The following COL2A1 variants were observed in gnomAD, a reference collection of about 807,000 sequenced individuals.
COL2A1 encodes collagen alpha-1(II) chain.
Under a neutral mutation model 204.5 loss-of-function variants are expected in COL2A1, and 28 were observed. The ratio of observed to expected loss-of-function variants is 0.14; its 90% CI spans 0.10 to 0.19. COL2A1 has a LOEUF of 0.19. Among genes scored for constraint, COL2A1 ranks in the 10% least tolerant of loss-of-function variants. The pLI, the probability that COL2A1 is intolerant of heterozygous loss-of-function variation, is 1.00. For synonymous variants in COL2A1, 708 were observed against 718.7 expected (o/e 0.99, Z 0.24); for missense variants, 1,388 against 2,027.5 (o/e 0.68, Z 6.06).
At chr12:47,981,662 TTGGC>T in intron 36 of COL2A1, 110 bp downstream of exon 36, 2 of 1,278,376 alleles carry the variant, frequency 1.6e-6, no homozygotes, top group Non-Finnish European at 2.2e-6. Context: ...TCCTACGGCC[TTGGC>T]CGAGGGTGAC....
intron 15 of COL2A1, 90 bp from the exon 16 acceptor site, chr12:47,993,021 A>G (rs1036497588): frequency 7.9e-7 from 1 of 1,259,936 alleles, no homozygotes; most frequent in African/African-American, 1.5e-5. Flanking sequence ...TGCGGATACC[A>G]GAGGAGAGGG....
chr12:48,004,018 C>G, intron 1 of COL2A1: 1 of 572,716 alleles, frequency 1.7e-6, no homozygotes, highest in Non-Finnish European at 3.2e-6. Context: ...CAAATACTTG[C>G]AACTGCGATG....
At chr12:48,000,920 C>G (rs1940204258) in intron 1 of COL2A1, 2 of 152,314 alleles carry the variant, frequency 1.3e-5, no homozygotes, top group African/African-American at 4.8e-5. Context: ...GTAGCCCTGC[C>G]TGGAGAGGCC....
At position 47,995,291 on chromosome 12, in the gene COL2A1, A is replaced by G; in HGVS notation, c.726T>C (p.Arg242=). ...EPGVSGPMGP[R]GPPGPPGKPG... Reference sequence around the variant, plus strand: ...GCTTTCCAGGGGGACCAGGAGGACCACGGGGACCCATGGGACCCTACAAAC... The same window carrying G: ...GCTTTCCAGGGGGACCAGGAGGACCGCGGGGACCCATGGGACCCTACAAAC... The change falls in exon 11 of 54, where the codon CGT becomes CGC. Residue 242 remains arginine (R), a synonymous_variant. Transcript: ENST00000380518. The G allele has an allele frequency of 6.2e-7, 1 of 1,613,754 alleles. No homozygotes were observed. Among genetic ancestry groups the G allele is most frequent in the East Asian group, 2.2e-5 (1 of 44,892 alleles).
intron 50 of COL2A1, 77 bp downstream of exon 50, chr12:47,975,886 G>A: frequency 9.1e-7 from 1 of 1,102,084 alleles, no homozygotes; most frequent in Middle Eastern, 2.0e-4. Flanking sequence ...CCTAAAAGAG[G>A]CCCTGAGCAA....
At position 47,996,528 on chromosome 12, in the gene COL2A1, G is replaced by T. The variant is rs921299234; in HGVS notation, c.609+20C>A. The T allele has an allele frequency of 3.7e-6, 6 of 1,609,562 alleles. No homozygotes were observed. Among genetic ancestry groups the T allele is most frequent in the African/African-American group, 2.7e-5 (2 of 74,974 alleles). Reference sequence around the variant, plus strand: ...CACCTCCTGCCATTTTGGCTGCAAAGAACTAGTGTCTTTTCTTACCATTGG... The same window carrying T: ...CACCTCCTGCCATTTTGGCTGCAAATAACTAGTGTCTTTTCTTACCATTGG... On this transcript the variant is annotated intron_variant, in intron 8 of 53. Transcript: ENST00000380518.
chr12:47,978,280 C>G lies in COL2A1; in HGVS notation c.3003+11G>C, dbSNP rs1179555191. On this transcript the variant is annotated intron_variant, in intron 43 of 53. Coordinates refer to ENST00000380518, the MANE Select transcript of COL2A1 (RefSeq NM_001844.5). This position sits in a 1 kb window ranked among gnomAD's most constrained non-coding sequence, Gnocchi z 5.5. ...CCAGCTTGGATGGAGGGAGGGATAC[C>G]CCACACTCACCGACGGGCCAGGCAA... is the stretch of plus-strand genomic sequence containing the variant. 1 of 1,613,558 alleles carries G rather than the reference C, an allele frequency of 6.2e-7. No individual in the cohort carries two copies. Among genetic ancestry groups the G allele is most frequent in the Non-Finnish European group, 8.5e-7 (1 of 1,179,768 alleles).
At chr12:47,994,295 G>T in intron 12 of COL2A1, 129 bp downstream of exon 12, 2 of 1,069,282 alleles carry the variant, frequency 1.9e-6, no homozygotes, top group Non-Finnish European at 2.8e-6. Context: ...AAACATGGTC[G>T]TGATAAATAT....
intron 1 of COL2A1, 53 bp from the exon 2 acceptor site, chr12:48,000,178 G>T: frequency 7.7e-7 from 1 of 1,295,956 alleles, no homozygotes; most frequent in Non-Finnish European, 1.1e-6. Flanking sequence ...GGAGGGGGTG[G>T]GGAGCCAGAG....
rs752281424 is a variant in COL2A1 at position 47,974,320 on chromosome 12, T to G, written c.4086A>C (p.Gly1362=). The G allele has an allele frequency of 6.2e-7, 1 of 1,613,986 alleles. No homozygotes were observed. Among genetic ancestry groups the G allele is most frequent in the South Asian group, 1.1e-5 (1 of 91,086 alleles). Residue 1362 remains glycine, a synonymous_variant, in exon 53 of 54, where the codon GGA becomes GGC. Coordinates refer to ENST00000380518, the MANE Select transcript of COL2A1 (RefSeq NM_001844.5). The stretch of plus-strand genomic sequence containing the variant: ...CAGTGTTGGGAGCCAGATTGTCATC[T>G]CCATAGCTGAACTGTTGGGGCAGAG... ...TINGGFHFSY[G]DDNLAPNTAN...
At chr12:47,998,387 GA>G (rs780475060) in intron 3 of COL2A1, 27 bp downstream of exon 3, 2 of 1,581,744 alleles carry the variant, frequency 1.3e-6, no homozygotes, top group South Asian at 2.3e-5. Context: ...AAAAAAATAT[GA>G]AAAAAGAAAA....
Position 47,997,898 on chromosome 12 carries a change from T to G in COL2A1, c.402A>C (p.Arg134Ser), listed in dbSNP as rs1940038163. 6.2e-7 allele frequency: 1 copy of G among 1,614,126 alleles called. No individual in the cohort carries two copies. Among genetic ancestry groups the G allele is most frequent in the East Asian group, 2.2e-5 (1 of 44,894 alleles). ...PQGPAGEQGPRGDRGDKGEKG... is the reference protein window; with the variant it reads ...PQGPAGEQGPSGDRGDKGEKG... The stretch of plus-strand genomic sequence containing the variant: ...TTTCACCTTTGTCACCACGATCCCC[T>G]CTGGGTCCTTGTTCCCCTGCAGGTC... Residue 134 changes from arginine to serine, a missense_variant, in exon 6 of 54, where the codon AGA becomes AGC. Physicochemically the swap from Arg to Ser is moderately radical, Grantham distance 110 (BLOSUM62 -1). Transcript: ENST00000380518.
chr12:48,004,938 C>T (rs868049226), upstream of COL2A1, among the ~76,000 whole-genome samples: 1 of 152,168 alleles, frequency 6.6e-6, no homozygotes, highest in Non-Finnish European at 1.5e-5. Flanking sequence ...GAGGGGGCAC[C>T]GCGTCAGGCG....
Position 47,998,262 on chromosome 12 carries a change from AC to A in COL2A1, c.310-62del, listed in dbSNP as rs569318921. 1.5e-3 allele frequency: 2,476 copies of A among 1,609,880 alleles called. 4 individuals are homozygous for A. The highest frequency in any genetic ancestry group is 1.9e-3 in the Non-Finnish European group (2,279 of 1,176,750). ...AAGCCCACTAAGCCCCTAGTCTAAA[AC>A]CCTGCCAGCAGCCCCTGTGTTGAGG... On this transcript the variant is annotated intron_variant, in intron 3 of 53. Transcript: ENST00000380518.
In COL2A1 at chr12:47,993,483, C is replaced by T. The variant is rs1939802138; in HGVS notation, c.944G>A (p.Gly315Asp). Residue 315 changes from glycine to aspartate, a missense_variant, in exon 15 of 54, where the codon GGT becomes GAT. By Grantham distance (94) the Gly-to-Asp change is moderately conservative. Around this residue, in one of 3 missense-constraint regions of COL2A1, gnomAD observed 884 missense variants for 1,415.8 expected, o/e 0.62. Transcript: ENST00000380518. ...PGVKGESGSP[G>D]ENGSPGPMGP... ...CATTGGGCCCGGAGATCCGTTCTCACCCGGGGAACCACTCTCACCCTGGAA... is the reference window on the plus strand; with the variant it reads ...CATTGGGCCCGGAGATCCGTTCTCATCCGGGGAACCACTCTCACCCTGGAA... 6.2e-7 allele frequency: 1 copy of T among 1,613,814 alleles called. No individual in the cohort carries two copies. Among genetic ancestry groups the T allele is most frequent in the Admixed American group, 1.7e-5 (1 of 60,008 alleles).
intron 3 of COL2A1, 40 bp downstream of exon 3, chr12:47,998,375 C>G (rs770402179): frequency 6.4e-7 from 1 of 1,568,992 alleles, no homozygotes; most frequent in Non-Finnish European, 8.7e-7. Flanking sequence ...AAATATAAAG[C>G]CAAAAAAATA....
At chr12:48,000,689 A>G (rs1940195747) in intron 1 of COL2A1, among the ~76,000 whole-genome samples, 1 of 152,236 alleles carries the variant, frequency 6.6e-6, no homozygotes, top group Admixed American at 6.5e-5. Context: ...ATTGGAATCT[A>G]TAAGCAGTGA....
chr12:47,985,136 C>A lies in COL2A1; in HGVS notation c.1735-43G>T, dbSNP rs41317931. 3.3e-6 allele frequency: 5 copies of A among 1,495,134 alleles called. No homozygotes were observed. The Admixed American group carries it at 7.0e-5, about 21-fold the overall frequency. 92.6% of individuals were successfully genotyped at this position (1,495,134 alleles called of 1,614,324 possible). ...ATTCTCAGAACATAGACACTCTGAC[C>A]ACATCCATCCACCCAACATCCACTA... is the stretch of plus-strand genomic sequence containing the variant. On this transcript the variant is annotated intron_variant, in intron 26 of 53. Coordinates refer to ENST00000380518, the MANE Select transcript of COL2A1 (RefSeq NM_001844.5).
Position 47,997,614 on chromosome 12 carries a change from G to A in COL2A1, c.523C>T (p.Leu175Phe). 6.2e-7 allele frequency: 1 copy of A among 1,613,898 alleles called. No individual in the cohort carries two copies. Among genetic ancestry groups the A allele is most frequent in the Non-Finnish European group, 8.5e-7 (1 of 1,179,994 alleles). ...GPPGPPGPPG[L>F]GGNFAAQMAG... ...GAAGTAAGGATACTTACTCCACCAA[G>A]ACCAGGGGGACCAGGGGGGCCGGGA... Residue 175 changes from leucine (L) to phenylalanine (F), a missense_variant, in exon 7 of 54, where the codon CTT becomes TTT. Coordinates refer to ENST00000380518, the MANE Select transcript of COL2A1 (RefSeq NM_001844.5).
Sources: gnomAD v4.1 joint callset for allele counts (sites outside exome capture counted in the v4.1 genomes callset) on GRCh38, gnomAD v4.1.1 for gene constraint, gnomAD v4.1.1 regional missense constraint, Gnocchi (gnomAD v3.1) non-coding constraint, MANE v1.5 for transcripts, NCBI Gene and HGNC (gene_info 2026-07-23, HGNC 2026-07-21) for gene names.